BTD: variants seen among roughly 807,000 people sequenced by gnomAD.
BTD encodes biocytinase.
In BTD, 13 loss-of-function variants were observed where a neutral mutation model predicts 17.7. The observed-to-expected ratio is 0.74, with a 90% CI of 0.48 to 1.17. The LOEUF is 1.17. BTD is among the 50% of genes most tolerant of loss of function. The probability of loss-of-function intolerance (pLI) is 0.00; values close to 1 mark genes in which losing one functional copy is unlikely to be tolerated. For missense variants in BTD, 674 were observed against 650.4 expected, an observed-to-expected ratio of 1.04 and a Z score of -0.39; for synonymous variants, 240 against 245.2, an observed-to-expected ratio of 0.98 and a Z score of 0.20.
At chr3:15,616,846 A>AT (rs1023758109) in intron 1 of BTD, among the ~76,000 whole-genome samples, 2 of 149,706 alleles carry the variant, frequency 1.3e-5, no homozygotes, top group African/African-American at 2.5e-5. Flanking sequence ...TTATTTATGT[A>AT]TTTTTTTTTC....
chr3:15,644,751 G>C lies in BTD; in HGVS notation c.835G>C (p.Ala279Pro), dbSNP rs1157567876. Residue 279 changes from alanine to proline, a missense_variant, in exon 4 of 4, where the codon GCT (alanine) becomes CCT (proline). Coordinates refer to ENST00000643237, the MANE Select transcript of BTD (RefSeq NM_001370658.1). ...TGCCTTTGGCATCAACGTTCTGGCA[G>C]CTAATGTCCACCACCCAGTTCTGGG... ...AVAFGINVLA[A>P]NVHHPVLGMT... The C allele has an allele frequency of 2.5e-6, 4 of 1,614,034 alleles. No homozygotes were observed. The South Asian group carries it at 4.4e-5, about 18-fold the overall frequency.
At chr3:15,719,174 T>C (rs1012214335) in intron 4 of BTD, among the ~76,000 whole-genome samples, 17 of 152,204 alleles carry the variant, frequency 1.1e-4, no homozygotes, top group Non-Finnish European at 2.4e-4. Flanking sequence ...ATACATTTTG[T>C]CCTGTAGTTG....
At chr3:15,703,678 A>T (rs569319367) in intron 3 of BTD, among the ~76,000 whole-genome samples, 2 of 152,354 alleles carry the variant, frequency 1.3e-5, no homozygotes, top group South Asian at 4.1e-4. Context: ...TTGTTATACC[A>T]GTCCAAACAG....
chr3:15,606,210 C>T (rs1163808568), intron 1 of BTD, among the ~76,000 whole-genome samples: 1 of 152,154 alleles, frequency 6.6e-6, no homozygotes, highest in Non-Finnish European at 1.5e-5. Context: ...GCATTAGAGT[C>T]ACTTGGAAAG....
Position 15,648,534 on chromosome 3 carries a change from G to T in BTD, c.*3046G>T, listed in dbSNP as rs1369671360. ...ACATTGTTAGTTCACCCAGTTCTGT[G>T]GGGCAGGAAAGCGGGTCTCTCATGA... On this transcript the variant is annotated 3_prime_UTR_variant, in exon 4 of 4. Transcript: ENST00000643237. 6.6e-6 allele frequency among the ~76,000 whole-genome samples: 1 copy of T among 152,132 alleles called. No individual in the cohort carries two copies. The highest frequency in any genetic ancestry group is 1.5e-5 in the Non-Finnish European group (1 of 68,046).
At chr3:15,698,234 G>A (rs2069974276) in intron 3 of BTD, among the ~76,000 whole-genome samples, 1 of 152,102 alleles carries the variant, frequency 6.6e-6, no homozygotes, top group Non-Finnish European at 1.5e-5. Flanking sequence ...TTGATGGAAT[G>A]TATCTCAAAA....
In BTD at chr3:15,626,034, C is replaced by T. The variant is rs562944419; in HGVS notation, c.-16-9390C>T. On this transcript the variant is annotated intron_variant, in intron 1 of 3. Coordinates refer to ENST00000643237, the MANE Select transcript of BTD (RefSeq NM_001370658.1). ...TGTTTCTTCTTTTATTTCAACTGTTCCAAATTTTAGAAAGTTGTTTCAAGT... is the reference window on the plus strand; with the variant it reads ...TGTTTCTTCTTTTATTTCAACTGTTTCAAATTTTAGAAAGTTGTTTCAAGT... 3.9e-5 allele frequency among the ~76,000 whole-genome samples: 6 copies of T among 152,224 alleles called. No individual in the cohort carries two copies. The East Asian group carries it at 1.2e-3, about 29-fold the overall frequency.
rs1330026200 is a variant in BTD at position 15,635,914 on chromosome 3, G to A, written c.249+226G>A. On this transcript the variant is annotated intron_variant, in intron 2 of 3. Transcript: ENST00000643237. This position sits in a 1 kb window ranked among gnomAD's most constrained non-coding sequence, Gnocchi z 4.1. ...TTGTTAGAAATACAAAATCTTGGGCGGCACCCCAGACCTACTGAATCAGAA... is the reference window on the plus strand; with the variant it reads ...TTGTTAGAAATACAAAATCTTGGGCAGCACCCCAGACCTACTGAATCAGAA... 2.0e-5 allele frequency among the ~76,000 whole-genome samples: 3 copies of A among 152,146 alleles called. No homozygotes were observed. Among genetic ancestry groups the A allele is most frequent in the South Asian group, 4.1e-4 (2 of 4,826 alleles).
At chr3:15,715,720 T>TTCAGTGCCTTCA (rs2072927583), downstream of BTD, among the ~76,000 whole-genome samples, 1 of 152,186 alleles carries the variant, frequency 6.6e-6, no homozygotes, top group Non-Finnish European at 1.5e-5. Context: ...GTTCCTCAAC[T>TTCAGTGCCTTCA]GAAAATGAGG....
At chr3:15,606,644 A>G (rs1171913264) in intron 1 of BTD, 1 of 152,234 alleles carries the variant, frequency 6.6e-6, no homozygotes, top group Non-Finnish European at 1.5e-5. Context: ...GTTTTCTGCC[A>G]TTTAACAAAG....
chr3:15,670,352 C>G, intron 3 of BTD: 1 of 1,613,380 alleles, frequency 6.2e-7, no homozygotes, highest in African/African-American at 1.3e-5. Context: ...GTTATTGAAA[C>G]TGCAATAGGA....
chr3:15,710,799 G>GT (rs1018959723), exon 4 of BTD, among the ~76,000 whole-genome samples: 4 of 151,864 alleles, frequency 2.6e-5, no homozygotes, highest in African/African-American at 7.3e-5. Flanking sequence ...CCTAGTAGAG[G>GT]TAAGACACAG....
downstream of BTD, among the ~76,000 whole-genome samples, chr3:15,656,778 T>C (rs1326508097): frequency 1.3e-5 from 2 of 152,208 alleles, no homozygotes; most frequent in African/African-American, 2.4e-5. Flanking sequence ...ATCAGTGTTG[T>C]GATTATCTAT....
chr3:15,657,997 A>G (rs148468145), downstream of BTD, among the ~76,000 whole-genome samples: 104 of 152,008 alleles, frequency 6.8e-4, no homozygotes, highest in African/African-American at 2.5e-3. Context: ...GTGAAAACCC[A>G]TCTCTACTAA....
intron 3 of BTD, chr3:15,689,973 T>C (rs2068597410): frequency 6.9e-7 from 1 of 1,453,858 alleles, no homozygotes; most frequent in Non-Finnish European, 9.2e-7. Flanking sequence ...TGAAAAAAAG[T>C]ATTGGATAGA....
chr3:15,716,964 C>T (rs2073150997), downstream of BTD, among the ~76,000 whole-genome samples: 1 of 152,086 alleles, frequency 6.6e-6, no homozygotes. Context: ...TCTGTCTCCC[C>T]ATCTCCCTTC....
intron 3 of BTD, chr3:15,675,962 C>T: frequency 6.2e-7 from 1 of 1,612,928 alleles, no homozygotes; most frequent in East Asian, 2.2e-5. Context: ...CCATTGTTAG[C>T]CCATTTCGGG....
intron 3 of BTD, among the ~76,000 whole-genome samples, chr3:15,682,204 G>T (rs191236590): frequency 4.1e-4 from 62 of 152,176 alleles, no homozygotes; most frequent in Non-Finnish European, 5.3e-4. Flanking sequence ...CATAAAAAAA[G>T]ATTATTTATG....
In BTD at chr3:15,648,809, G is replaced by C. The variant is rs1459579879; in HGVS notation, c.*3321G>C. 6.6e-6 allele frequency among the ~76,000 whole-genome samples: 1 copy of C among 152,014 alleles called. No homozygotes were observed. Among genetic ancestry groups the C allele is most frequent in the African/African-American group, 2.4e-5 (1 of 41,388 alleles). ...AGTAACTGGGCCCTTAATCCAATAT[G>C]ACATGTCCTTATCAGAAGAGGAGAA... is the stretch of plus-strand genomic sequence containing the variant. On this transcript the variant is annotated 3_prime_UTR_variant, in exon 4 of 4. Coordinates refer to ENST00000643237, the MANE Select transcript of BTD (RefSeq NM_001370658.1).
Sources: allele counts gnomAD v4.1 joint callset (sites outside exome capture counted in the v4.1 genomes callset), GRCh38; gene constraint gnomAD v4.1.1; non-coding constraint Gnocchi (gnomAD v3.1); transcripts MANE v1.5; gene names NCBI Gene and HGNC (gene_info 2026-07-23, HGNC 2026-07-21).